The following NKAIN2 variants were observed in gnomAD, a reference collection of about 807,000 sequenced individuals.
NKAIN2 encodes the protein sodium/potassium transporting ATPase interacting 2, also known as sodium/potassium-transporting ATPase subunit beta-1-interacting protein 2.
NKAIN2 carries 14 observed loss-of-function variants against 32.6 expected under a neutral mutation model. The observed-to-expected ratio is 0.43, with a 90% CI of 0.28 to 0.67. NKAIN2 has a LOEUF of 0.67. NKAIN2 is among the 30% of genes least tolerant of loss of function. NKAIN2 has a pLI of 0.17. For missense variants in NKAIN2, 198 were observed against 258.3 expected (o/e 0.77, Z 1.60); for synonymous variants, 80 against 87.2 (o/e 0.92, Z 0.46).
At chr6:124,621,388 G>A (rs969747245) in intron 3 of NKAIN2, among the ~76,000 whole-genome samples, 1 of 152,142 alleles carries the variant, frequency 6.6e-6, no homozygotes, top group African/African-American at 2.4e-5. Context: ...AAAAGTCTGG[G>A]GGATACAGCA....
chr6:124,794,154 T>C (rs1779893721), intron 5 of NKAIN2, among the ~76,000 whole-genome samples: 1 of 152,200 alleles, frequency 6.6e-6, no homozygotes, highest in South Asian at 2.1e-4. Context: ...AGGGCTTACT[T>C]GGAAACAGCT....
intron 1 of NKAIN2, among the ~76,000 whole-genome samples, chr6:124,225,303 T>C (rs1297690286): frequency 1.3e-5 from 2 of 152,056 alleles, no homozygotes; most frequent in South Asian, 2.1e-4. Flanking sequence ...CTATTGTATA[T>C]CTATTTTTCT....
chr6:124,466,390 T>C (rs950291956), intron 3 of NKAIN2, among the ~76,000 whole-genome samples: 1 of 152,086 alleles, frequency 6.6e-6, no homozygotes, highest in African/African-American at 2.4e-5. Context: ...AATTCAGTAA[T>C]TCAGCTTTCA....
intron 1 of NKAIN2, among the ~76,000 whole-genome samples, chr6:123,909,577 G>T (rs985203562): frequency 1.3e-5 from 2 of 152,118 alleles, no homozygotes; most frequent in African/African-American, 4.8e-5. Context: ...ACATGCAATT[G>T]TTTCTTCTAC....
chr6:124,046,330 G>C (rs1347127356), intron 1 of NKAIN2, among the ~76,000 whole-genome samples: 1 of 151,848 alleles, frequency 6.6e-6, no homozygotes, highest in Non-Finnish European at 1.5e-5. Context: ...TTCACATACC[G>C]TATTCCTGGA....
rs530827815 is a variant in NKAIN2 at position 124,814,859 on chromosome 6, G to T, written c.536-3528G>T. ...CATAATTATCATCTATTTTTTTTCT[G>T]CCATCCCTCCTAAATCCCTGTAATC... On this transcript the variant is annotated intron_variant, in intron 5 of 6. Coordinates refer to ENST00000368417, the MANE Select transcript of NKAIN2 (RefSeq NM_001040214.3). 3.3e-4 allele frequency among the ~76,000 whole-genome samples: 50 copies of T among 152,014 alleles called. 1 individual carries two copies. Among genetic ancestry groups the T allele is most frequent in the Admixed American group, 2.0e-3 (31 of 15,248 alleles).
At chr6:124,147,624 G>C (rs576312261) in intron 1 of NKAIN2, among the ~76,000 whole-genome samples, 97 of 151,892 alleles carry the variant, frequency 6.4e-4, no homozygotes, top group African/African-American at 2.3e-3. Flanking sequence ...AAAAGCCCAC[G>C]AAAAAACAAA....
At position 124,491,503 on chromosome 6, in the gene NKAIN2, T is replaced by A. The variant is rs73772145; in HGVS notation, c.273+136156T>A. On this transcript the variant is annotated intron_variant, in intron 3 of 6. Transcript: ENST00000368417. Reference sequence around the variant, plus strand: ...AGAAAGGTACTACCATGTACCTTATTTGGAATAAAAATGAACGCAACATTT... The same window carrying A: ...AGAAAGGTACTACCATGTACCTTATATGGAATAAAAATGAACGCAACATTT... Among the ~76,000 whole-genome samples, 633 of 151,984 alleles carry A rather than the reference T, an allele frequency of 4.2e-3. 6 individuals are homozygous for A. Among genetic ancestry groups the A allele is most frequent in the African/African-American group, 0.014 (599 of 41,540 alleles).
intron 3 of NKAIN2, chr6:124,391,048 T>C (rs1773121238): frequency 1.3e-5 from 2 of 152,192 alleles, no homozygotes; most frequent in Admixed American, 1.3e-4. Flanking sequence ...AAAGAAATTT[T>C]TGCTTTCTTG....
intron 2 of NKAIN2, among the ~76,000 whole-genome samples, chr6:124,346,167 G>T: frequency 6.6e-6 from 1 of 152,128 alleles, no homozygotes; most frequent in East Asian, 1.9e-4. Context: ...TTAATCCTGA[G>T]TTCTAGTTTG....
intron 1 of NKAIN2, among the ~76,000 whole-genome samples, chr6:124,255,046 G>C (rs756902124): frequency 1.3e-5 from 2 of 152,142 alleles, no homozygotes; most frequent in African/African-American, 4.8e-5. Context: ...GTAGAGTCCG[G>C]CTGTCTAAAC....
At chr6:124,127,690 AG>A (rs1198313618) in intron 1 of NKAIN2, among the ~76,000 whole-genome samples, 1 of 152,178 alleles carries the variant, frequency 6.6e-6, no homozygotes, top group Non-Finnish European at 1.5e-5. Context: ...CAGGAGGGAC[AG>A]GCCTGGTCAG....
intron 3 of NKAIN2, among the ~76,000 whole-genome samples, chr6:124,512,793 G>T (rs1200266023): frequency 1.3e-5 from 2 of 152,108 alleles, no homozygotes. Flanking sequence ...GATAGTTGAA[G>T]GGCTACCCTG....
At chr6:124,041,807 TAA>T (rs1445001800) in intron 1 of NKAIN2, among the ~76,000 whole-genome samples, 1 of 152,122 alleles carries the variant, frequency 6.6e-6, no homozygotes, top group Non-Finnish European at 1.5e-5. Flanking sequence ...GTAATGCTGT[TAA>T]AAATTATTTG....
intron 4 of NKAIN2, among the ~76,000 whole-genome samples, chr6:124,740,476 T>TGTGGG (rs1451408615): frequency 1.5e-5 from 1 of 66,416 alleles, no homozygotes; most frequent in African/African-American, 5.3e-5. Context: ...GTGTGTGTGG[T>TGTGGG]GATAGGTGCT....
chr6:124,614,470 T>C (rs999934806), intron 3 of NKAIN2, among the ~76,000 whole-genome samples: 1 of 152,234 alleles, frequency 6.6e-6, no homozygotes, highest in African/African-American at 2.4e-5. Flanking sequence ...CTTTATATCT[T>C]AAATCTCTTA....
intron 1 of NKAIN2, among the ~76,000 whole-genome samples, chr6:123,891,323 T>C (rs1774007034): frequency 6.6e-6 from 1 of 152,210 alleles, no homozygotes; most frequent in Admixed American, 6.5e-5. Context: ...ACATAAATGG[T>C]TAAGATGGTA....
intron 3 of NKAIN2, among the ~76,000 whole-genome samples, chr6:124,626,679 TAA>T (rs1316469673): frequency 2.0e-5 from 3 of 152,156 alleles, no homozygotes; most frequent in East Asian, 1.9e-4. Flanking sequence ...TGCAGTATTT[TAA>T]AAGTGTGCTA....
At chr6:124,413,161 G>A (rs769167639) in intron 3 of NKAIN2, among the ~76,000 whole-genome samples, 49 of 152,190 alleles carry the variant, frequency 3.2e-4, no homozygotes, top group Admixed American at 1.6e-3. Flanking sequence ...GCTCACACAC[G>A]GTGAGCTGCA....
Sources: gnomAD v4.1 joint callset for allele counts (sites outside exome capture counted in the v4.1 genomes callset) on GRCh38, gnomAD v4.1.1 for gene constraint, MANE v1.5 for transcripts, NCBI Gene and HGNC (gene_info 2026-07-23, HGNC 2026-07-21) for gene names.